The following SPTLC2 variants were observed in gnomAD, a reference collection of about 807,000 sequenced individuals.
SPTLC2 encodes serine palmitoyltransferase long chain base subunit 2.
A neutral mutation model predicts 62.0 loss-of-function variants in SPTLC2; 21 were observed. The ratio of observed to expected loss-of-function variants is 0.34; its 90% CI spans 0.24 to 0.49. The LOEUF (loss-of-function observed/expected upper bound fraction) is 0.49, where lower values mean the gene tolerates loss of function less well. Among genes scored for constraint, SPTLC2 ranks in the 20% least tolerant of loss-of-function variants. The probability of loss-of-function intolerance (pLI) is 0.99; values close to 1 mark genes in which losing one functional copy is unlikely to be tolerated. For synonymous variants in SPTLC2, 261 were observed against 261.8 expected (o/e 1.00, Z 0.03); for missense variants, 511 against 713.0 (o/e 0.72, Z 3.23).
intron 11 of SPTLC2, 86 bp from the exon 12 acceptor site, chr14:77,512,489 T>C: frequency 6.3e-7 from 1 of 1,593,336 alleles, no homozygotes; most frequent in Non-Finnish European, 8.6e-7. Flanking sequence ...AAAACAATCA[T>C]GGCAAGATTA....
intron 1 of SPTLC2, among the ~76,000 whole-genome samples, chr14:77,610,609 A>G (rs1388302931): frequency 1.3e-5 from 2 of 152,244 alleles, no homozygotes; most frequent in East Asian, 3.9e-4. Flanking sequence ...TTTTGGAGTA[A>G]GACTGGATCA....
chr14:77,520,323 T>TTTTC (rs759885073), intron 10 of SPTLC2, among the ~76,000 whole-genome samples: 162 of 152,350 alleles, frequency 1.1e-3, no homozygotes, highest in Middle Eastern at 3.4e-3. Flanking sequence ...AGGGAGCACC[T>TTTTC]TTTCCTTACT....
chr14:77,560,696 A>G (rs2140025080), intron 6 of SPTLC2, among the ~76,000 whole-genome samples: 1 of 152,176 alleles, frequency 6.6e-6, no homozygotes, highest in South Asian at 2.1e-4. Flanking sequence ...GAATGAGATC[A>G]TGTCCTTTGC....
At chr14:77,571,089 A>G (rs573733102) in intron 4 of SPTLC2, among the ~76,000 whole-genome samples, 89 of 152,344 alleles carry the variant, frequency 5.8e-4, no homozygotes, top group African/African-American at 2.0e-3. Context: ...TTGCCTATCC[A>G]ATACCACATG....
At chr14:77,571,783 C>A (rs990915441) in intron 4 of SPTLC2, among the ~76,000 whole-genome samples, 1 of 151,924 alleles carries the variant, frequency 6.6e-6, no homozygotes, top group African/African-American at 2.4e-5. Flanking sequence ...AGAGATAATA[C>A]GTTTGAGCTT....
At chr14:77,580,543 T>G (rs1430580346) in intron 2 of SPTLC2, among the ~76,000 whole-genome samples, 2 of 95,470 alleles carry the variant, frequency 2.1e-5, no homozygotes, top group African/African-American at 7.4e-5. Context: ...AGAAAGGAAT[T>G]TTTTAAAAAA....
At chr14:77,543,182 T>G (rs2079510660) in intron 9 of SPTLC2, among the ~76,000 whole-genome samples, 1 of 152,232 alleles carries the variant, frequency 6.6e-6, no homozygotes, top group Admixed American at 6.5e-5. Flanking sequence ...CCTGAGTAGC[T>G]GGGACTACAG....
chr14:77,554,712 C>A, intron 8 of SPTLC2: 1 of 157,250 alleles, frequency 6.4e-6, no homozygotes, highest in Admixed American at 6.1e-5. Context: ...AGACCCAGGC[C>A]TCTGTCTTTA....
At chr14:77,557,197 T>C in intron 6 of SPTLC2, 51 bp from the exon 7 acceptor site, 1 of 1,449,330 alleles carries the variant, frequency 6.9e-7, no homozygotes. Flanking sequence ...CTTTCCTAAC[T>C]TTATTCCGGA....
intron 9 of SPTLC2, among the ~76,000 whole-genome samples, chr14:77,543,187 C>T (rs1389362543): frequency 6.6e-6 from 1 of 152,194 alleles, no homozygotes; most frequent in Non-Finnish European, 1.5e-5. Flanking sequence ...GTAGCTGGGA[C>T]TACAGGCGTG....
intron 1 of SPTLC2, among the ~76,000 whole-genome samples, chr14:77,603,423 T>C (rs2079888460): frequency 1.3e-5 from 2 of 152,214 alleles, no homozygotes; most frequent in Non-Finnish European, 2.9e-5. Flanking sequence ...CTTGCAATTT[T>C]ACTGAAATGT....
At chr14:77,516,573 AGTAAAATTTCT>A (rs1396530205) in intron 11 of SPTLC2, among the ~76,000 whole-genome samples, 1 of 152,226 alleles carries the variant, frequency 6.6e-6, no homozygotes, top group Non-Finnish European at 1.5e-5. Flanking sequence ...GAAATTCACC[AGTAAAATTTCT>A]GAGAAATGAG....
intron 6 of SPTLC2, 48 bp from the exon 7 acceptor site, chr14:77,557,194 A>G: frequency 4.8e-6 from 7 of 1,471,340 alleles, no homozygotes; most frequent in South Asian, 1.1e-5. Flanking sequence ...CCTCTTTCCT[A>G]ACTTTATTCC....
intron 7 of SPTLC2, among the ~76,000 whole-genome samples, chr14:77,556,787 C>G (rs2079586586): frequency 6.6e-6 from 1 of 152,162 alleles, no homozygotes; most frequent in Non-Finnish European, 1.5e-5. Flanking sequence ...TAGGTTCCCT[C>G]TACAAACTAG....
intron 3 of SPTLC2, 77 bp downstream of exon 3, chr14:77,578,878 A>G: frequency 2.0e-6 from 3 of 1,526,050 alleles, no homozygotes; most frequent in South Asian, 2.3e-5. Context: ...AGAATACTCA[A>G]TTTATAATAA....
At chr14:77,545,277 T>C (rs2079521965) in intron 9 of SPTLC2, among the ~76,000 whole-genome samples, 1 of 152,036 alleles carries the variant, frequency 6.6e-6, no homozygotes, top group Non-Finnish European at 1.5e-5. Flanking sequence ...CACTTTTTTT[T>C]TTTTTGAGAT....
chr14:77,602,274 T>C (rs1440626113), intron 1 of SPTLC2, among the ~76,000 whole-genome samples: 1 of 152,142 alleles, frequency 6.6e-6, no homozygotes, highest in Non-Finnish European at 1.5e-5. Context: ...CACTTAGACT[T>C]CATGGGCACC....
At chr14:77,512,774 G>A (rs1214796317) in intron 11 of SPTLC2, among the ~76,000 whole-genome samples, 1 of 152,126 alleles carries the variant, frequency 6.6e-6, no homozygotes, top group Non-Finnish European at 1.5e-5. Flanking sequence ...GGAGTGCTGT[G>A]GCGCCCTCCG....
intron 2 of SPTLC2, among the ~76,000 whole-genome samples, chr14:77,580,836 G>C (rs1016885123): frequency 6.6e-6 from 1 of 152,216 alleles, no homozygotes; most frequent in South Asian, 2.1e-4. Flanking sequence ...GGGCAACATA[G>C]TGGGACTCTG....
Sources: allele counts gnomAD v4.1 joint callset (sites outside exome capture counted in the v4.1 genomes callset), GRCh38; gene constraint gnomAD v4.1.1; transcripts MANE v1.5; gene names NCBI Gene and HGNC (gene_info 2026-07-23, HGNC 2026-07-21).